Variants in FRMD3 observed in about 807,000 individuals in gnomAD.
FRMD3 encodes the protein FERM domain-containing protein 3.
In FRMD3, 33 loss-of-function variants were observed where a neutral mutation model predicts 70.2. The ratio of observed to expected loss-of-function variants is 0.47; its 90% confidence interval spans 0.36 to 0.63. The LOEUF is 0.63. Among genes scored for constraint, FRMD3 ranks in the 20% least tolerant of loss-of-function variants. The pLI is 0.00. For missense variants in FRMD3, 632 were observed against 711.4 expected (o/e 0.89, Z 1.27); for synonymous variants, 279 against 255.9 (o/e 1.09, Z -0.86).
intron 13 of FRMD3, among the ~76,000 whole-genome samples, chr9:83,254,805 C>T (rs1832620013): frequency 6.6e-6 from 1 of 152,072 alleles, no homozygotes; most frequent in African/African-American, 2.4e-5. Flanking sequence ...TGGACACATA[C>T]ACCTTCCCAA....
At chr9:83,478,639 C>T (rs1444828967) in intron 1 of FRMD3, among the ~76,000 whole-genome samples, 2 of 152,132 alleles carry the variant, frequency 1.3e-5, no homozygotes, top group Non-Finnish European at 2.9e-5. Context: ...CCAGCAATCC[C>T]ACTTCAGGGT....
rs187738706 is a variant in FRMD3, at chr9:83,302,384, C to A, written c.927-3198G>T. 3.9e-5 allele frequency among the ~76,000 whole-genome samples: 6 copies of A among 152,264 alleles called. No homozygotes were observed. In the East Asian group the frequency reaches 1.2e-3, roughly 29 times the overall value. On this transcript the variant is annotated intron_variant, in intron 10 of 13. Coordinates refer to ENST00000304195, the MANE Select transcript of FRMD3 (RefSeq NM_174938.6). ...GGATGACCCAAGAGGTGACATTTCA[C>A]CTGAAAGAACAGTGGTCCAGATTCC... is the stretch of plus-strand genomic sequence containing the variant.
chr9:83,292,041 G>A (rs555256171), intron 12 of FRMD3, among the ~76,000 whole-genome samples: 2 of 152,100 alleles, frequency 1.3e-5, no homozygotes, highest in Non-Finnish European at 2.9e-5. Context: ...CTCTGCAGCT[G>A]ATATATACAA....
intron 1 of FRMD3, among the ~76,000 whole-genome samples, chr9:83,470,122 A>G (rs1191555612): frequency 1.3e-5 from 2 of 152,166 alleles, no homozygotes; most frequent in African/African-American, 4.8e-5. Context: ...TTTTTTTTAA[A>G]TAAGGAGAGG....
At chr9:83,335,905 A>G (rs1452884265) in intron 5 of FRMD3, among the ~76,000 whole-genome samples, 1 of 152,156 alleles carries the variant, frequency 6.6e-6, no homozygotes, top group Non-Finnish European at 1.5e-5. Flanking sequence ...ACTGTTTTTC[A>G]GTGGGGACAC....
the FRMD3 span, among the ~76,000 whole-genome samples, chr9:83,574,174 T>C: frequency 6.6e-6 from 1 of 152,186 alleles, no homozygotes; most frequent in East Asian, 1.9e-4. Context: ...ACCACTGCTC[T>C]CCATTCAGGA....
chr9:83,247,728 A>C lies in FRMD3; in HGVS notation c.*190T>G. On this transcript the variant is annotated 3_prime_UTR_variant, in exon 14 of 14. Coordinates refer to ENST00000304195, the MANE Select transcript of FRMD3 (RefSeq NM_174938.6). ...AGACCATCTTCCTAACCTGTAACTA[A>C]AATAACTGTATTTGATTTAAACTTA... 7.0e-7 allele frequency: 1 copy of C among 1,434,242 alleles called. No individual in the cohort carries two copies. Among genetic ancestry groups the C allele is most frequent in the African/African-American group, 1.4e-5 (1 of 70,710 alleles). 88.8% of individuals were successfully genotyped at this position (1,434,242 alleles called of 1,614,324 possible).
intron 1 of FRMD3, among the ~76,000 whole-genome samples, chr9:83,438,472 T>C (rs1002966982): frequency 3.9e-5 from 6 of 152,070 alleles, no homozygotes; most frequent in African/African-American, 1.4e-4. Flanking sequence ...CAGGCTGGAG[T>C]GCAATGGCAC....
In FRMD3 at chr9:83,246,795, C is replaced by T. The variant is rs956687997; in HGVS notation, c.*1123G>A. 15 of 985,348 alleles carry T rather than the reference C, an allele frequency of 1.5e-5. No homozygotes were observed. The highest frequency in any genetic ancestry group is 1.8e-5 in the Non-Finnish European group (15 of 829,904). 61.0% of individuals were successfully genotyped at this position (985,348 alleles called of 1,614,324 possible). ...GTTTCTCCACTTTTATTTAGATCCA[C>T]TTAAACATGTTCATGTTAACTCAGA... On this transcript the variant is annotated 3_prime_UTR_variant, in exon 14 of 14. Transcript: ENST00000304195.
chr9:83,245,707 A>C lies in FRMD3; in HGVS notation c.*2211T>G. 1 of 981,504 alleles carries C rather than the reference A, an allele frequency of 1.0e-6. No individual in the cohort carries two copies. The highest frequency in any genetic ancestry group is 1.2e-6 in the Non-Finnish European group (1 of 826,376). The allele number at this position is 981,504 out of a possible 1,614,324, so 60.8% of individuals were successfully genotyped here. On this transcript the variant is annotated 3_prime_UTR_variant, in exon 14 of 14. Coordinates refer to ENST00000304195, the MANE Select transcript of FRMD3 (RefSeq NM_174938.6). ...AAGACTGAGGGCCAGATGATTTGTC[A>C]TAGTCAGAACTTTAGAGAAAATTAT... is the stretch of plus-strand genomic sequence containing the variant.
At chr9:83,309,686 T>G (rs913638969) in intron 9 of FRMD3, 62 bp from the exon 10 acceptor site, 3 of 456,006 alleles carry the variant, frequency 6.6e-6, no homozygotes, top group South Asian at 7.7e-5. Flanking sequence ...TTTCCATGGG[T>G]TTTTTTTTTT....
At chr9:83,349,936 A>T (rs1352428523) in intron 3 of FRMD3, among the ~76,000 whole-genome samples, 179 bp from the exon 4 acceptor site, 1 of 152,182 alleles carries the variant, frequency 6.6e-6, no homozygotes, top group Non-Finnish European at 1.5e-5. Flanking sequence ...CAGCAACAAC[A>T]AAACTCAAAG....
At chr9:83,523,565 T>C (rs1829626601) in intron 1 of FRMD3, among the ~76,000 whole-genome samples, 1 of 152,176 alleles carries the variant, frequency 6.6e-6, no homozygotes, top group Non-Finnish European at 1.5e-5. Flanking sequence ...TCTTTAACAA[T>C]ATATGTTGAA....
At chr9:83,270,001 C>T (rs1038184243) in intron 13 of FRMD3, among the ~76,000 whole-genome samples, 1 of 152,106 alleles carries the variant, frequency 6.6e-6, no homozygotes, top group African/African-American at 2.4e-5. Flanking sequence ...ACAGGGGTGT[C>T]TACCTTTCAA....
intron 1 of FRMD3, among the ~76,000 whole-genome samples, chr9:83,530,615 GT>G (rs1397477133): frequency 4.1e-4 from 63 of 152,272 alleles, no homozygotes; most frequent in African/African-American, 1.4e-3. Context: ...TATACCTTAA[GT>G]GGGCGTACTA....
chr9:83,290,134 G>A (rs1834363012), intron 13 of FRMD3, among the ~76,000 whole-genome samples: 1 of 152,172 alleles, frequency 6.6e-6, no homozygotes, highest in East Asian at 1.9e-4. Context: ...TGATTACAGT[G>A]GCAGACATCA....
chr9:83,443,505 G>A (rs1011744446), intron 1 of FRMD3, among the ~76,000 whole-genome samples: 1 of 152,152 alleles, frequency 6.6e-6, no homozygotes, highest in African/African-American at 2.4e-5. Flanking sequence ...ATTCCATGGT[G>A]CATATGTGCC....
chr9:83,513,803 C>G (rs1168343115), intron 1 of FRMD3, among the ~76,000 whole-genome samples: 2 of 152,114 alleles, frequency 1.3e-5, no homozygotes, highest in Non-Finnish European at 2.9e-5. Context: ...TGGGTGCAGC[C>G]CACAGAAGGT....
At chr9:83,559,633 C>T in the FRMD3 span, among the ~76,000 whole-genome samples, 13 of 152,288 alleles carry the variant, frequency 8.5e-5, no homozygotes, top group South Asian at 2.5e-3. Context: ...CCATATGTTT[C>T]AACCTATCAT....
Sources: gnomAD v4.1 joint callset for allele counts (sites outside exome capture counted in the v4.1 genomes callset) on GRCh38, gnomAD v4.1.1 for gene constraint, MANE v1.5 for transcripts, NCBI Gene and HGNC (gene_info 2026-07-23, HGNC 2026-07-21) for gene names.